The following MYO3B variants were observed in gnomAD, a reference collection of about 807,000 sequenced individuals.
MYO3B encodes the protein myosin-IIIb.
Under a neutral mutation model 174.6 loss-of-function variants are expected in MYO3B, and 156 were observed. That is an observed-to-expected ratio of 0.89 (90% confidence interval 0.78 to 1.02). The LOEUF is 1.02. MYO3B is among the 50% of genes least tolerant of loss of function. The probability of loss-of-function intolerance (pLI) is 0.00; values close to 1 mark genes in which losing one functional copy is unlikely to be tolerated. For synonymous variants in MYO3B, 563 were observed against 569.1 expected, an observed-to-expected ratio of 0.99 and a Z score of 0.15; for missense variants, 1,632 against 1,639.4, an observed-to-expected ratio of 1.00 and a Z score of 0.08.
intron 1 of MYO3B, among the ~76,000 whole-genome samples, chr2:170,194,644 A>G (rs764632900): frequency 6.6e-6 from 1 of 152,058 alleles, no homozygotes; most frequent in African/African-American, 2.4e-5. Flanking sequence ...TGTGCATCCT[A>G]TTGTATTAGT....
chr2:170,499,904 TCCCTCCCTTCCTTCTC>T (rs1360926587), intron 27 of MYO3B, 96 bp downstream of exon 27: 89 of 974,514 alleles, frequency 9.1e-5, no homozygotes, highest in African/African-American at 7.9e-4. Context: ...GTGGTTTCCC[TCCCTCCCTTCCTTCTC>T]CCCTCCCTCC....
At chr2:170,445,546 G>A (rs1291651488) in intron 23 of MYO3B, among the ~76,000 whole-genome samples, 1 of 152,004 alleles carries the variant, frequency 6.6e-6, no homozygotes, top group East Asian at 1.9e-4. Flanking sequence ...TCTCCATGTT[G>A]GTCAGGCTGG....
chr2:170,486,951 C>A (rs780737982), intron 25 of MYO3B, among the ~76,000 whole-genome samples: 1 of 152,194 alleles, frequency 6.6e-6, no homozygotes, highest in Non-Finnish European at 1.5e-5. Flanking sequence ...TTATCATGTT[C>A]CCCTAAGTCA....
At position 170,225,133 on chromosome 2, in the gene MYO3B, G is replaced by A. The variant is rs113919071; in HGVS notation, c.603+7738G>A. On this transcript the variant is annotated intron_variant, in intron 6 of 34. Transcript: ENST00000408978. ...GTTTGGTTCCCAAATAAGAGCTAGC[G>A]TTTAGCGAGTGCTTACTATGTGTTA... 4.8e-3 allele frequency among the ~76,000 whole-genome samples: 727 copies of A among 152,340 alleles called. 8 individuals are homozygous for A. The highest frequency in any genetic ancestry group is 4.5e-3 in the Non-Finnish European group (309 of 68,032).
chr2:170,617,516 T>C (rs1399859450), intron 32 of MYO3B, among the ~76,000 whole-genome samples: 1 of 152,184 alleles, frequency 6.6e-6, no homozygotes, highest in Non-Finnish European at 1.5e-5. Context: ...AGTATATACA[T>C]TTTGAGGTGA....
chr2:170,635,681 A>C (rs1213087766), intron 32 of MYO3B, among the ~76,000 whole-genome samples: 2 of 152,210 alleles, frequency 1.3e-5, no homozygotes, highest in Non-Finnish European at 2.9e-5. Flanking sequence ...CTTAAAGATC[A>C]CATTATAGGG....
intron 7 of MYO3B, among the ~76,000 whole-genome samples, chr2:170,240,966 A>C (rs1056338599): frequency 6.6e-6 from 1 of 152,252 alleles, no homozygotes; most frequent in Admixed American, 6.5e-5. Flanking sequence ...GTTACATAAA[A>C]GTAGAAAAAT....
chr2:170,310,730 G>A (rs193063912), intron 7 of MYO3B, among the ~76,000 whole-genome samples: 20 of 151,012 alleles, frequency 1.3e-4, no homozygotes, highest in Non-Finnish European at 2.4e-4. Context: ...CAACTTGAAG[G>A]TGGGGGATGG....
chr2:170,356,559 A>C (rs1477724599), intron 8 of MYO3B, among the ~76,000 whole-genome samples: 2 of 150,756 alleles, frequency 1.3e-5, no homozygotes, highest in Non-Finnish European at 1.5e-5. Flanking sequence ...ATGGGGTTTC[A>C]CCATGTTGGC....
At chr2:170,279,399 T>C (rs1574706013) in intron 7 of MYO3B, among the ~76,000 whole-genome samples, 1 of 152,112 alleles carries the variant, frequency 6.6e-6, no homozygotes, top group Admixed American at 6.6e-5. Flanking sequence ...TGTTGAGCAT[T>C]TTTTCATATT....
intron 7 of MYO3B, among the ~76,000 whole-genome samples, chr2:170,254,620 G>C (rs2093287819): frequency 6.6e-6 from 1 of 152,198 alleles, no homozygotes; most frequent in Admixed American, 6.5e-5. Context: ...AGAGGGGTCA[G>C]AGGACAAAGC....
intron 6 of MYO3B, among the ~76,000 whole-genome samples, chr2:170,217,684 C>T (rs1430082091): frequency 6.6e-6 from 1 of 152,176 alleles, no homozygotes; most frequent in Non-Finnish European, 1.5e-5. Flanking sequence ...AATTCATCAG[C>T]CCTTGTATAA....
intron 23 of MYO3B, among the ~76,000 whole-genome samples, chr2:170,456,948 A>G (rs1171321494): frequency 1.3e-5 from 2 of 152,376 alleles, no homozygotes; most frequent in South Asian, 2.1e-4. Flanking sequence ...GCTATAAGCT[A>G]TCGCCTTTCG....
At chr2:170,276,496 C>T (rs1559353241) in intron 7 of MYO3B, among the ~76,000 whole-genome samples, 2 of 152,106 alleles carry the variant, frequency 1.3e-5, no homozygotes, top group African/African-American at 2.4e-5. Flanking sequence ...CATACAAACC[C>T]TGTAGCCTAA....
intron 32 of MYO3B, among the ~76,000 whole-genome samples, chr2:170,547,237 G>A (rs1395761392): frequency 2.0e-5 from 3 of 151,960 alleles, no homozygotes; most frequent in African/African-American, 7.3e-5. Flanking sequence ...GGCTGAGGCG[G>A]GAGAATGGCG....
In MYO3B at chr2:170,483,375, CTTTTTTTTTTTTTTTTT is replaced by C. The variant is rs61527598; in HGVS notation, c.3015-15204_3015-15188del. Reference sequence around the variant, plus strand: ...AATTAAAACTCCTTGCTTGGGGATTCTTTTTTTTTTTTTTTTTTTTTTTTTTTTTGAGACGGAGTCTA... The same window carrying C: ...AATTAAAACTCCTTGCTTGGGGATTCTTTTTTTTTTTTGAGACGGAGTCTA... On this transcript the variant is annotated intron_variant, in intron 25 of 34. Coordinates refer to ENST00000408978, the MANE Select transcript of MYO3B (RefSeq NM_138995.5). Among the ~76,000 whole-genome samples the C allele has an allele frequency of 1.8e-4, 11 of 62,102 alleles. 2 individuals carry two copies. Among genetic ancestry groups the C allele is most frequent in the African/African-American group, 3.7e-4 (5 of 13,350 alleles). 40.7% of individuals were successfully genotyped at this position (62,102 alleles called of 152,430 possible).
intron 7 of MYO3B, among the ~76,000 whole-genome samples, chr2:170,318,988 T>C (rs2093795981): frequency 6.6e-6 from 1 of 152,192 alleles, no homozygotes; most frequent in African/African-American, 2.4e-5. Context: ...AGGTCACATA[T>C]GTGGGGCTAA....
chr2:170,430,394 C>T (rs538697306), intron 22 of MYO3B, among the ~76,000 whole-genome samples: 9 of 124,268 alleles, frequency 7.2e-5, no homozygotes, highest in South Asian at 5.1e-4. Flanking sequence ...TTTTTTGAGA[C>T]GGAGTCTAGC....
intron 7 of MYO3B, among the ~76,000 whole-genome samples, chr2:170,293,715 C>A (rs1030125294): frequency 5.9e-5 from 9 of 152,142 alleles, no homozygotes; most frequent in Non-Finnish European, 1.2e-4. Flanking sequence ...AGGGATTCAC[C>A]TCACCTTTTG....
Sources: allele counts gnomAD v4.1 joint callset (sites outside exome capture counted in the v4.1 genomes callset), GRCh38; gene constraint gnomAD v4.1.1; transcripts MANE v1.5; gene names NCBI Gene and HGNC (gene_info 2026-07-23, HGNC 2026-07-21).